MKLN1: variants seen among roughly 807,000 people sequenced by gnomAD.
The protein encoded by MKLN1 is muskelin 1.
A neutral mutation model predicts 99.0 loss-of-function variants in MKLN1; 18 were observed. The ratio of observed to expected loss-of-function variants is 0.18; its 90% CI spans 0.13 to 0.27. The LOEUF (loss-of-function observed/expected upper bound fraction) is 0.27. MKLN1 is among the 10% of genes least tolerant of loss of function. MKLN1 has a pLI of 1.00. For synonymous variants in MKLN1, 288 were observed against 293.2 expected (o/e 0.98, Z 0.18); for missense variants, 621 against 875.9 (o/e 0.71, Z 3.67).
intron 1 of MKLN1, among the ~76,000 whole-genome samples, chr7:131,370,600 T>C (rs752258493): frequency 1.3e-5 from 2 of 152,268 alleles, no homozygotes; most frequent in East Asian, 1.9e-4. Context: ...GCTTGTCTTA[T>C]GGGTTTTGGT....
chr7:131,333,078 C>T (rs1799127064), intron 1 of MKLN1, among the ~76,000 whole-genome samples: 2 of 152,238 alleles, frequency 1.3e-5, no homozygotes, highest in East Asian at 1.9e-4. Flanking sequence ...CGTGCACCAC[C>T]ACGTCTGGTT....
intron 3 of MKLN1, among the ~76,000 whole-genome samples, chr7:131,281,036 G>T (rs1417394450): frequency 6.6e-6 from 1 of 152,084 alleles, no homozygotes; most frequent in Non-Finnish European, 1.5e-5. Context: ...AAGAACAAAA[G>T]ATTTTACTTT....
At chr7:131,324,063 C>T (rs1265557960), upstream of MKLN1, among the ~76,000 whole-genome samples, 2 of 152,150 alleles carry the variant, frequency 1.3e-5, no homozygotes, top group Admixed American at 1.3e-4. Context: ...GTGAAAAAAA[C>T]TTGACCCAAA....
At chr7:131,209,733 C>G (rs1437242022) in intron 3 of MKLN1, among the ~76,000 whole-genome samples, 1 of 152,142 alleles carries the variant, frequency 6.6e-6, no homozygotes, top group East Asian at 1.9e-4. Context: ...CATAATAATC[C>G]CATTCCCTTT....
intron 3 of MKLN1, among the ~76,000 whole-genome samples, chr7:131,296,771 C>G (rs1255268351): frequency 6.6e-6 from 1 of 152,168 alleles, no homozygotes; most frequent in Non-Finnish European, 1.5e-5. Context: ...AAGTCTCACT[C>G]TGTCACCCAG....
chr7:131,401,216 C>T (rs1284534656), intron 6 of MKLN1, among the ~76,000 whole-genome samples: 1 of 152,034 alleles, frequency 6.6e-6, no homozygotes, highest in Non-Finnish European at 1.5e-5. Context: ...TAAGTATTTT[C>T]TGTATTTTAA....
At chr7:131,481,808 G>T (rs1471829940) in intron 17 of MKLN1, among the ~76,000 whole-genome samples, 4 of 90,616 alleles carry the variant, frequency 4.4e-5, no homozygotes, top group African/African-American at 1.4e-4. Context: ...ATTTTCTAAG[G>T]TCTGCAAAAA....
At chr7:131,438,574 A>G (rs954975251) in intron 10 of MKLN1, among the ~76,000 whole-genome samples, 1 of 151,274 alleles carries the variant, frequency 6.6e-6, no homozygotes, top group African/African-American at 2.4e-5. Flanking sequence ...ATTAATATAC[A>G]TGTAGCTCTC....
intron 2 of MKLN1, among the ~76,000 whole-genome samples, chr7:131,191,832 G>A (rs760416257): frequency 6.7e-6 from 1 of 148,846 alleles, no homozygotes; most frequent in East Asian, 2.0e-4. Context: ...TCATGCCTCA[G>A]CCTCTCAAGT....
At chr7:131,171,953 C>T (rs1169369624) in intron 2 of MKLN1, among the ~76,000 whole-genome samples, 1 of 151,936 alleles carries the variant, frequency 6.6e-6, no homozygotes, top group Non-Finnish European at 1.5e-5. Flanking sequence ...AATGAGGAGA[C>T]CAGTGGGACC....
intron 3 of MKLN1, among the ~76,000 whole-genome samples, chr7:131,208,558 C>T (rs973401362): frequency 3.3e-5 from 5 of 152,264 alleles, no homozygotes; most frequent in African/African-American, 1.2e-4. Context: ...GAGATGGCAC[C>T]ACTGCACTCC....
intron 1 of MKLN1, among the ~76,000 whole-genome samples, chr7:131,126,051 T>TAAATAAATAAA (rs201498095): frequency 1.1e-3 from 123 of 109,112 alleles, no homozygotes; most frequent in East Asian, 2.8e-3. Context: ...AATAAATAAA[T>TAAATAAATAAA]TAATTAATTA....
chr7:131,445,761 T>TC lies in MKLN1; in HGVS notation c.1396-12dup. The TC allele has an allele frequency of 6.3e-7, 1 of 1,578,606 alleles. No homozygotes were observed. Among genetic ancestry groups the TC allele is most frequent in the Non-Finnish European group, 8.6e-7 (1 of 1,164,520 alleles). On this transcript the variant is annotated splice_polypyrimidine_tract_variant and intron_variant, in intron 11 of 17. Transcript: ENST00000352689. ...TAAGTTACTCCTTTCTTTTTTTTTT[T>TC]CTTCTTTTTCAGAAAAATCGTTGCT...
chr7:131,283,323 C>T (rs1030788634), intron 3 of MKLN1, among the ~76,000 whole-genome samples: 1 of 96,328 alleles, frequency 1.0e-5, no homozygotes, highest in African/African-American at 4.9e-5. Flanking sequence ...CCCTCCCTCC[C>T]TCCCTCCTTC....
intron 3 of MKLN1, among the ~76,000 whole-genome samples, 167 bp downstream of exon 3, chr7:131,387,429 T>C (rs1266778348): frequency 6.6e-6 from 1 of 152,214 alleles, no homozygotes; most frequent in Non-Finnish European, 1.5e-5. Flanking sequence ...GTTAGCTTTC[T>C]TTTTTATTTT....
intron 1 of MKLN1, among the ~76,000 whole-genome samples, chr7:131,370,108 G>T (rs956076075): frequency 6.6e-6 from 1 of 152,356 alleles, no homozygotes; most frequent in African/African-American, 2.4e-5. Flanking sequence ...AAAGTGTTGG[G>T]ATTACAGGCG....
chr7:131,396,849 G>A (rs1794376740), intron 4 of MKLN1, among the ~76,000 whole-genome samples: 2 of 152,004 alleles, frequency 1.3e-5, no homozygotes, highest in Non-Finnish European at 2.9e-5. Flanking sequence ...GCTGTGATTG[G>A]CCTTAAGTCT....
At chr7:131,404,764 C>G (rs1297440897) in intron 6 of MKLN1, among the ~76,000 whole-genome samples, 1 of 151,712 alleles carries the variant, frequency 6.6e-6, no homozygotes, top group African/African-American at 2.4e-5. Flanking sequence ...GCCACTACAC[C>G]CGGTTAATTT....
chr7:131,151,585 G>A (rs558652758), intron 2 of MKLN1, among the ~76,000 whole-genome samples: 1 of 152,184 alleles, frequency 6.6e-6, no homozygotes, highest in African/African-American at 2.4e-5. Context: ...TAAATAATTA[G>A]CCTTGCCCAA....
Sources: allele counts gnomAD v4.1 joint callset (sites outside exome capture counted in the v4.1 genomes callset), GRCh38; gene constraint gnomAD v4.1.1; transcripts MANE v1.5; gene names NCBI Gene and HGNC (gene_info 2026-07-23, HGNC 2026-07-21).